CACNA2D1: variants seen among roughly 807,000 people sequenced by gnomAD.
CACNA2D1 encodes calcium voltage-gated channel auxiliary subunit alpha2delta 1, also known as voltage-dependent calcium channel subunit alpha-2/delta-1.
CACNA2D1 carries 53 observed loss-of-function variants against 171.5 expected under a neutral mutation model. The observed-to-expected ratio is 0.31, with a 90% CI of 0.25 to 0.39. CACNA2D1 has a LOEUF of 0.39. Among genes scored for constraint, CACNA2D1 ranks in the 10% least tolerant of loss-of-function variants. The probability of loss-of-function intolerance (pLI) is 1.00; values close to 1 mark genes in which losing one functional copy is unlikely to be tolerated. For missense variants in CACNA2D1, 903 were observed against 1,299.8 expected, an observed-to-expected ratio of 0.69 and a Z score of 4.69; for synonymous variants, 442 against 443.1, an observed-to-expected ratio of 1.00 and a Z score of 0.03.
chr7:82,187,392 A>G (rs547141255), intron 3 of CACNA2D1, among the ~76,000 whole-genome samples: 4 of 152,300 alleles, frequency 2.6e-5, no homozygotes, highest in Admixed American at 2.6e-4. Flanking sequence ...GCATGGAAAA[A>G]ATGTAAGCTG....
At chr7:82,138,440 GTTTTTTTTGTT>G (rs111347071) in intron 4 of CACNA2D1, among the ~76,000 whole-genome samples, 10,644 of 95,140 alleles carry the variant, frequency 0.11, 551 homozygotes, top group South Asian at 0.21. Context: ...TGTTTTTTTT[GTTTTTTTTGTT>G]TTTTTTTTTT....
chr7:82,113,669 A>G (rs1401383711), intron 6 of CACNA2D1, among the ~76,000 whole-genome samples: 1 of 152,204 alleles, frequency 6.6e-6, no homozygotes, highest in African/African-American at 2.4e-5. Flanking sequence ...TAAGCCTTCA[A>G]TTAAAGTGCA....
chr7:82,130,768 GTTTT>G (rs1319568058), intron 5 of CACNA2D1, among the ~76,000 whole-genome samples: 1 of 130,680 alleles, frequency 7.7e-6, no homozygotes. Flanking sequence ...TTTAGTGCTT[GTTTT>G]TTTTGTTGTT....
In CACNA2D1 at chr7:81,962,464, T is replaced by C; in HGVS notation, c.2812A>G (p.Thr938Ala). The change falls in exon 35 of 39, where the codon ACC becomes GCC. Residue 938 changes from threonine to alanine, a missense_variant. Physicochemically the swap from Thr to Ala is moderately conservative, Grantham distance 58. Around this residue, in one of 5 missense-constraint regions of CACNA2D1, gnomAD observed 623 missense variants for 925.5 expected, o/e 0.67. Transcript: ENST00000356860. Reference sequence around the variant, plus strand: ...CCTGCCTCAAGGAGTCGTGGAAAGGTCAAACTCAAGAGAAACTGCTGTAGA... The same window carrying C: ...CCTGCCTCAAGGAGTCGTGGAAAGGCCAAACTCAAGAGAAACTGCTGTAGA... ...SILQQFLLSL[T>A]FPRLLEAVEM... 1 of 1,605,022 alleles carries C rather than the reference T, an allele frequency of 6.2e-7. No homozygotes were observed. Among genetic ancestry groups the C allele is most frequent in the Non-Finnish European group, 8.5e-7 (1 of 1,175,188 alleles).
chr7:82,109,582 G>A (rs899029266), intron 6 of CACNA2D1, among the ~76,000 whole-genome samples: 2 of 151,936 alleles, frequency 1.3e-5, no homozygotes, highest in Non-Finnish European at 2.9e-5. Flanking sequence ...TTTCTACCAT[G>A]GTAACAATGA....
At chr7:82,195,255 G>A (rs113862871) in intron 3 of CACNA2D1, among the ~76,000 whole-genome samples, 8 of 151,966 alleles carry the variant, frequency 5.3e-5, no homozygotes, top group African/African-American at 9.7e-5. Context: ...GGGTTGATGC[G>A]TGATGGGATG....
At chr7:82,266,171 G>T (rs1266799173) in intron 3 of CACNA2D1, among the ~76,000 whole-genome samples, 2 of 152,060 alleles carry the variant, frequency 1.3e-5, no homozygotes, top group Non-Finnish European at 2.9e-5. Context: ...AGATGAAAGA[G>T]AAACTGTCTG....
chr7:82,172,297 T>A (rs1344442889), intron 3 of CACNA2D1, among the ~76,000 whole-genome samples: 2 of 151,934 alleles, frequency 1.3e-5, no homozygotes, highest in Non-Finnish European at 2.9e-5. Flanking sequence ...TGCATCATAA[T>A]ACTTTTAGAA....
chr7:81,995,442 C>T (rs1797943106), intron 19 of CACNA2D1, among the ~76,000 whole-genome samples: 1 of 152,092 alleles, frequency 6.6e-6, no homozygotes, highest in Non-Finnish European at 1.5e-5. Flanking sequence ...ACTATAAACA[C>T]CTATTTGGAT....
chr7:81,978,753 G>GTATATATATA (rs1554336413), intron 24 of CACNA2D1, among the ~76,000 whole-genome samples: 342 of 139,462 alleles, frequency 2.5e-3, no homozygotes, highest in African/African-American at 8.6e-3. Flanking sequence ...TTTAAAAAGT[G>GTATATATATA]TATATATATA....
intron 5 of CACNA2D1, among the ~76,000 whole-genome samples, chr7:82,134,851 G>A (rs527663952): frequency 1.9e-4 from 29 of 152,172 alleles, no homozygotes; most frequent in African/African-American, 6.5e-4. Context: ...ATAGTAACAC[G>A]TGCACTTTTC....
chr7:82,265,876 T>C (rs1362029448), intron 3 of CACNA2D1, among the ~76,000 whole-genome samples: 5 of 152,136 alleles, frequency 3.3e-5, no homozygotes, highest in African/African-American at 4.8e-5. Context: ...TTAGAATCTA[T>C]ATTTTTGGTA....
chr7:81,959,398 C>A (rs1562777356), intron 37 of CACNA2D1, 41 bp from the exon 38 acceptor site: 2 of 1,336,802 alleles, frequency 1.5e-6, no homozygotes, highest in Non-Finnish European at 2.2e-6. Flanking sequence ...TAGTTTTTTT[C>A]ACATGATTAA....
intron 3 of CACNA2D1, among the ~76,000 whole-genome samples, chr7:82,268,746 A>G (rs1208915256): frequency 6.6e-6 from 1 of 151,614 alleles, no homozygotes; most frequent in East Asian, 1.9e-4. Flanking sequence ...AAAAGACACA[A>G]TTAAGAATGT....
intron 5 of CACNA2D1, among the ~76,000 whole-genome samples, chr7:82,124,073 T>C (rs1332924808): frequency 6.6e-6 from 1 of 152,124 alleles, no homozygotes; most frequent in Non-Finnish European, 1.5e-5. Flanking sequence ...CAATTAATAT[T>C]CTACCTGTAT....
At chr7:81,999,266 C>A in intron 18 of CACNA2D1, among the ~76,000 whole-genome samples, 1 of 152,038 alleles carries the variant, frequency 6.6e-6, no homozygotes, top group East Asian at 1.9e-4. Context: ...TCTAGCTGAC[C>A]ATTTTTTAAA....
At chr7:82,276,527 G>T (rs1388648094) in intron 3 of CACNA2D1, among the ~76,000 whole-genome samples, 2 of 152,152 alleles carry the variant, frequency 1.3e-5, no homozygotes, top group Non-Finnish European at 1.5e-5. Flanking sequence ...TCTGTTCAGG[G>T]ATGGTGGCAA....
intron 3 of CACNA2D1, among the ~76,000 whole-genome samples, chr7:82,290,534 A>G (rs1221497794): frequency 6.6e-6 from 1 of 150,914 alleles, no homozygotes; most frequent in Non-Finnish European, 1.5e-5. Flanking sequence ...CCCATATAAT[A>G]TAGGTGTTCA....
At chr7:82,031,585 A>G (rs1458635576) in intron 12 of CACNA2D1, among the ~76,000 whole-genome samples, 1 of 151,942 alleles carries the variant, frequency 6.6e-6, no homozygotes, top group Non-Finnish European at 1.5e-5. Flanking sequence ...CAGTAAGCAG[A>G]GTTTAATTAA....
Sources: gnomAD v4.1 joint callset for allele counts (sites outside exome capture counted in the v4.1 genomes callset) on GRCh38, gnomAD v4.1.1 for gene constraint, gnomAD v4.1.1 regional missense constraint, MANE v1.5 for transcripts, NCBI Gene and HGNC (gene_info 2026-07-23, HGNC 2026-07-21) for gene names.